ACAD9: variants seen among roughly 807,000 people sequenced by gnomAD.
ACAD9 encodes the protein complex I assembly factor ACAD9, mitochondrial.
ACAD9 carries 53 observed loss-of-function variants against 70.2 expected under a neutral mutation model. That is an observed-to-expected ratio of 0.75 (90% CI 0.61 to 0.95). The LOEUF is 0.95. Ranked by LOEUF, ACAD9 falls within the 40% of genes least tolerant of loss-of-function variation. ACAD9 has a pLI of 0.00. For synonymous variants in ACAD9, 313 were observed against 312.1 expected (o/e 1.00, Z -0.03); for missense variants, 777 against 802.8 (o/e 0.97, Z 0.39).
chr3:128,880,755 C>A (rs1935066341), intron 1 of ACAD9, among the ~76,000 whole-genome samples: 1 of 152,070 alleles, frequency 6.6e-6, no homozygotes, highest in Non-Finnish European at 1.5e-5. Context: ...GTTGTAGAGC[C>A]CCAGTGAGAT....
chr3:128,899,736 C>T (rs1935682776), intron 7 of ACAD9, among the ~76,000 whole-genome samples: 1 of 152,222 alleles, frequency 6.6e-6, no homozygotes, highest in Non-Finnish European at 1.5e-5. Context: ...TCATCCCCTG[C>T]TGTAGCTGCC....
At chr3:128,881,087 T>C (rs1432137725) in intron 1 of ACAD9, among the ~76,000 whole-genome samples, 2 of 152,194 alleles carry the variant, frequency 1.3e-5, no homozygotes, top group Non-Finnish European at 2.9e-5. Flanking sequence ...GTCAGGCTGA[T>C]ACCTTTATAG....
At chr3:128,880,136 T>C in intron 1 of ACAD9, 1 of 901,038 alleles carries the variant, frequency 1.1e-6, no homozygotes, top group Non-Finnish European at 1.6e-6. Flanking sequence ...AGCCTTCATC[T>C]CAGCTGGTCT....
intron 17 of ACAD9, among the ~76,000 whole-genome samples, chr3:128,912,184 G>A (rs757983478): frequency 4.6e-5 from 7 of 152,198 alleles, no homozygotes; most frequent in Non-Finnish European, 7.3e-5. Context: ...CAGGTTATGT[G>A]CTGTGGAGGG....
At chr3:128,881,728 T>G (rs1935100195) in intron 1 of ACAD9, among the ~76,000 whole-genome samples, 1 of 152,196 alleles carries the variant, frequency 6.6e-6, no homozygotes, top group Non-Finnish European at 1.5e-5. Flanking sequence ...TTGACGCACT[T>G]TCGTCTCTGG....
At chr3:128,885,703 A>G (rs1049594203) in intron 2 of ACAD9, among the ~76,000 whole-genome samples, 2 of 152,060 alleles carry the variant, frequency 1.3e-5, no homozygotes, top group African/African-American at 4.8e-5. Flanking sequence ...CCTCTTAGAA[A>G]TTAAAACTGA....
At chr3:128,888,118 T>C (rs1464127959) in intron 2 of ACAD9, among the ~76,000 whole-genome samples, 1 of 150,810 alleles carries the variant, frequency 6.6e-6, no homozygotes, top group Non-Finnish European at 1.5e-5. Flanking sequence ...CTAAGACTTT[T>C]TTCTGAATCC....
At chr3:128,910,369 A>T in intron 16 of ACAD9, 1 of 1,459,940 alleles carries the variant, frequency 6.8e-7, no homozygotes, top group Non-Finnish European at 9.0e-7. Context: ...GGGGTTCCTG[A>T]TCCCAGTGCC....
intron 16 of ACAD9, among the ~76,000 whole-genome samples, 180 bp from the exon 17 acceptor site, chr3:128,910,561 G>A (rs1036233117): frequency 6.6e-6 from 1 of 152,206 alleles, no homozygotes; most frequent in African/African-American, 2.4e-5. Context: ...TGAGTCACTT[G>A]CTGTTGGGGA....
chr3:128,899,228 A>T (rs1935658840), intron 6 of ACAD9, 59 bp from the exon 7 acceptor site: 5 of 1,575,360 alleles, frequency 3.2e-6, no homozygotes, highest in Non-Finnish European at 3.5e-6. Flanking sequence ...ACAAAGACAG[A>T]GCTGAGGTGG....
At chr3:128,888,057 C>T (rs911142745) in intron 2 of ACAD9, among the ~76,000 whole-genome samples, 4 of 152,142 alleles carry the variant, frequency 2.6e-5, no homozygotes, top group African/African-American at 9.7e-5. Context: ...ACAAATATTG[C>T]TGGAAATCCA....
At chr3:128,899,248 G>T (rs1576340556) in intron 6 of ACAD9, 39 bp from the exon 7 acceptor site, 1 of 1,609,892 alleles carries the variant, frequency 6.2e-7, no homozygotes, top group South Asian at 1.1e-5. Flanking sequence ...GGTCACATAG[G>T]GGTTTGGTTT....
intron 3 of ACAD9, among the ~76,000 whole-genome samples, 159 bp downstream of exon 3, chr3:128,893,815 C>A (rs1251923327): frequency 6.6e-6 from 1 of 152,146 alleles, no homozygotes; most frequent in Non-Finnish European, 1.5e-5. Flanking sequence ...GAAGTGTTCT[C>A]GGGTCCTGTG....
At chr3:128,896,045 C>T (rs1935559800) in intron 4 of ACAD9, among the ~76,000 whole-genome samples, 1 of 152,228 alleles carries the variant, frequency 6.6e-6, no homozygotes, top group African/African-American at 2.4e-5. Context: ...GGTTCCAGCA[C>T]TCCTGTGTCT....
intron 7 of ACAD9, 83 bp from the exon 8 acceptor site, chr3:128,901,193 T>C: frequency 8.0e-7 from 1 of 1,251,256 alleles, no homozygotes; most frequent in Non-Finnish European, 1.2e-6. Context: ...GATGGATGGA[T>C]GGATGGATGA....
rs374252688 is a variant in ACAD9 at position 128,896,577 on chromosome 3, T to A, written c.554+41T>A. 15 of 1,604,700 alleles carry A rather than the reference T, an allele frequency of 9.3e-6. No homozygotes were observed. In the African/African-American group the frequency reaches 2.0e-4, roughly 21 times the overall value. On this transcript the variant is annotated intron_variant, in intron 5 of 17. Transcript: ENST00000308982. The stretch of plus-strand genomic sequence containing the variant: ...AAACGTTATCCCTCAGCAGCTGTGA[T>A]GTTGCCCAAGATTCACTGGGGCAAG...
chr3:128,897,797 G>A, intron 6 of ACAD9, 87 bp downstream of exon 6: 1 of 1,210,992 alleles, frequency 8.3e-7, no homozygotes, highest in South Asian at 1.3e-5. Flanking sequence ...ACCAGGGATT[G>A]TACCTGCTGC....
chr3:128,903,381 C>G (rs897111833), intron 9 of ACAD9, among the ~76,000 whole-genome samples: 2 of 152,216 alleles, frequency 1.3e-5, no homozygotes, highest in Non-Finnish European at 2.9e-5. Flanking sequence ...CTGTCAGGCT[C>G]CAGGCTCAGG....
intron 2 of ACAD9, among the ~76,000 whole-genome samples, chr3:128,889,880 GGT>G (rs1279231172): frequency 1.3e-5 from 2 of 151,996 alleles, no homozygotes; most frequent in African/African-American, 4.8e-5. Context: ...GGAGTGCAGT[GGT>G]GTGATCATAG....
Sources: allele counts gnomAD v4.1 joint callset (sites outside exome capture counted in the v4.1 genomes callset), GRCh38; gene constraint gnomAD v4.1.1; transcripts MANE v1.5; gene names NCBI Gene and HGNC (gene_info 2026-07-23, HGNC 2026-07-21).